Variants in DLG2 observed in about 807,000 individuals in gnomAD.
DLG2 encodes disks large homolog 2.
DLG2 carries 45 observed loss-of-function variants against 132.5 expected under a neutral mutation model. That is an observed-to-expected ratio of 0.34 (90% confidence interval 0.27 to 0.44). DLG2 has a LOEUF of 0.44. Among genes scored for constraint, DLG2 ranks in the 20% least tolerant of loss-of-function variants. The pLI is 1.00. For missense variants in DLG2, 1,045 were observed against 1,196.9 expected (o/e 0.87, Z 1.87); for synonymous variants, 424 against 419.6 (o/e 1.01, Z -0.13).
At chr11:84,650,869 G>GTATATA (rs1183546230) in intron 6 of DLG2, among the ~76,000 whole-genome samples, 3 of 121,664 alleles carry the variant, frequency 2.5e-5, no homozygotes, top group African/African-American at 1.2e-4. Flanking sequence ...GTGTGTGTGT[G>GTATATA]TGTGTATATA....
At chr11:83,726,616 G>A (rs1313783420) in intron 18 of DLG2, among the ~76,000 whole-genome samples, 4 of 152,138 alleles carry the variant, frequency 2.6e-5, no homozygotes, top group Non-Finnish European at 4.4e-5. Flanking sequence ...GGCTGCACAA[G>A]TGTAGACCTG....
chr11:84,470,117 C>T (rs2099104857), intron 7 of DLG2, among the ~76,000 whole-genome samples: 1 of 151,686 alleles, frequency 6.6e-6, no homozygotes, highest in Non-Finnish European at 1.5e-5. Flanking sequence ...GGACAATTGT[C>T]ATATATGTGA....
chr11:83,459,944 AC>A lies in DLG2; in HGVS notation c.2822-21del. The A allele has an allele frequency of 7.5e-7, 1 of 1,335,616 alleles. No individual in the cohort carries two copies. Among genetic ancestry groups the A allele is most frequent in the Non-Finnish European group, 1.1e-6 (1 of 933,726 alleles). 82.7% of individuals were successfully genotyped at this position (1,335,616 alleles called of 1,614,324 possible). On this transcript the variant is annotated intron_variant, in intron 27 of 27. Transcript: ENST00000376104. ...CAATAGCTGTAACAAAAGCAAACAC[AC>A]CCAGAATTAGAAATAATTTCCTGGA...
chr11:83,847,045 C>T (rs2058771885), intron 16 of DLG2, among the ~76,000 whole-genome samples: 2 of 150,674 alleles, frequency 1.3e-5, no homozygotes, highest in Non-Finnish European at 3.0e-5. Flanking sequence ...ATAATAACAA[C>T]AATTTGCTTT....
At chr11:83,873,965 G>T (rs34398972) in intron 16 of DLG2, among the ~76,000 whole-genome samples, 12,999 of 152,124 alleles carry the variant, frequency 0.085, 771 homozygotes, top group Non-Finnish European at 0.13. Flanking sequence ...TCTATCATTT[G>T]TACTAGACAA....
At chr11:85,021,379 C>T (rs374928291) in intron 6 of DLG2, 10 of 1,346,598 alleles carry the variant, frequency 7.4e-6, no homozygotes, top group Admixed American at 3.4e-5. Context: ...TGCTTTTCCT[C>T]GGTTCACTTT....
intron 6 of DLG2, among the ~76,000 whole-genome samples, chr11:84,713,413 T>C (rs2060662145): frequency 6.6e-6 from 1 of 152,136 alleles, no homozygotes; most frequent in African/African-American, 2.4e-5. Flanking sequence ...TGACAACTGG[T>C]AGCAGGTCAG....
rs891793962 is a variant in DLG2, at chr11:84,403,383, T to C, written c.519+131187A>G. 1.1e-4 allele frequency among the ~76,000 whole-genome samples: 17 copies of C among 152,200 alleles called. 1 individual carries two copies. Among genetic ancestry groups the C allele is most frequent in the Non-Finnish European group, 1.2e-4 (8 of 68,030 alleles). ...TGAAGTCTTTAAACGGTCCCCAGTTTCCCTGACAGCCAATCAATTGCCATT... is the reference window on the plus strand; with the variant it reads ...TGAAGTCTTTAAACGGTCCCCAGTTCCCCTGACAGCCAATCAATTGCCATT... On this transcript the variant is annotated intron_variant, in intron 7 of 27. Coordinates refer to ENST00000376104, the MANE Select transcript of DLG2 (RefSeq NM_001142699.3).
intron 6 of DLG2, among the ~76,000 whole-genome samples, chr11:85,065,882 A>G (rs1020531698): frequency 4.0e-5 from 6 of 151,542 alleles, no homozygotes; most frequent in African/African-American, 1.5e-4. Flanking sequence ...ATCTCAAATT[A>G]ACGATTTAAC....
At chr11:84,008,224 A>G (rs1403025203) in intron 11 of DLG2, among the ~76,000 whole-genome samples, 1 of 151,856 alleles carries the variant, frequency 6.6e-6, no homozygotes, top group Non-Finnish European at 1.5e-5. Flanking sequence ...TCTGGGTATA[A>G]AACCCTATAC....
intron 6 of DLG2, among the ~76,000 whole-genome samples, chr11:84,537,114 T>C (rs1008745829): frequency 6.6e-6 from 1 of 152,182 alleles, no homozygotes; most frequent in Non-Finnish European, 1.5e-5. Context: ...GAATTACTTT[T>C]TTTTTTATGA....
intron 14 of DLG2, among the ~76,000 whole-genome samples, chr11:83,947,577 C>A (rs963947351): frequency 6.6e-6 from 1 of 152,144 alleles, no homozygotes; most frequent in Non-Finnish European, 1.5e-5. Flanking sequence ...ACTATGGTTT[C>A]CTGGACTAAA....
chr11:84,031,949 G>A (rs889946785), intron 11 of DLG2, among the ~76,000 whole-genome samples: 2 of 152,094 alleles, frequency 1.3e-5, no homozygotes, highest in Non-Finnish European at 2.9e-5. Context: ...CATGTGATCA[G>A]TGGTCATTGA....
At chr11:85,077,901 T>A (rs1214826849) in intron 6 of DLG2, among the ~76,000 whole-genome samples, 1 of 152,046 alleles carries the variant, frequency 6.6e-6, no homozygotes, top group Admixed American at 6.6e-5. Context: ...GTGCTGTCTA[T>A]AAGAATTATT....
intron 21 of DLG2, among the ~76,000 whole-genome samples, chr11:83,496,876 C>T (rs2094174296): frequency 6.6e-6 from 1 of 152,170 alleles, no homozygotes; most frequent in South Asian, 2.1e-4. Flanking sequence ...ATAGATTAAT[C>T]TTCTATATCT....
chr11:84,030,405 C>T (rs1313963455), intron 11 of DLG2, among the ~76,000 whole-genome samples: 1 of 152,120 alleles, frequency 6.6e-6, no homozygotes, highest in Non-Finnish European at 1.5e-5. Context: ...CTATAAATAG[C>T]TATGATATAC....
chr11:84,502,438 C>G (rs556234918), intron 7 of DLG2, among the ~76,000 whole-genome samples: 1 of 143,132 alleles, frequency 7.0e-6, no homozygotes, highest in East Asian at 2.0e-4. Context: ...ATGCTGTCAC[C>G]CAGGCTAAGT....
chr11:85,623,500 TC>T (rs2153277049), intron 2 of DLG2, among the ~76,000 whole-genome samples: 1 of 152,272 alleles, frequency 6.6e-6, no homozygotes, highest in South Asian at 2.1e-4. Context: ...AGATGGGGTT[TC>T]ACCACGTTGG....
At chr11:85,441,672 T>A (rs1272174307) in intron 3 of DLG2, among the ~76,000 whole-genome samples, 1 of 152,308 alleles carries the variant, frequency 6.6e-6, no homozygotes, top group East Asian at 1.9e-4. Context: ...AATTAAATTA[T>A]TGATAGCACA....
Sources: gnomAD v4.1 joint callset for allele counts (sites outside exome capture counted in the v4.1 genomes callset) on GRCh38, gnomAD v4.1.1 for gene constraint, MANE v1.5 for transcripts, NCBI Gene and HGNC (gene_info 2026-07-23, HGNC 2026-07-21) for gene names.